ZDHHC11: variants seen among roughly 807,000 people sequenced by gnomAD.
ZDHHC11 encodes the protein zDHHC palmitoyltransferase 11, also known as palmitoyltransferase ZDHHC11.
ZDHHC11 carries 44 observed loss-of-function variants against 51.3 expected under a neutral mutation model. That is an observed-to-expected ratio of 0.86 (90% CI 0.67 to 1.10). The LOEUF is 1.10. ZDHHC11 is among the 50% of genes least tolerant of loss of function. The pLI is 0.00. For missense variants in ZDHHC11, 400 were observed against 537.7 expected (o/e 0.74, Z 2.53); for synonymous variants, 163 against 222.0 (o/e 0.73, Z 2.36).
rs1561257054 is a variant in ZDHHC11, at chr5:824,761, AT to A, written c.1023+402del. Reference sequence around the variant, plus strand: ...CTCCTACACACAGTCTTTCCTAAGCATTTTATTTAAAAAAAAAAAAAAAACA... The same window carrying A: ...CTCCTACACACAGTCTTTCCTAAGCATTTATTTAAAAAAAAAAAAAAAACA... On this transcript the variant is annotated intron_variant, in intron 8 of 12. Coordinates refer to ENST00000283441, the MANE Select transcript of ZDHHC11 (RefSeq NM_024786.3). Among the ~76,000 whole-genome samples, 269 of 91,560 alleles carry A rather than the reference AT, an allele frequency of 2.9e-3. 4 individuals are homozygous for A. The highest frequency in any genetic ancestry group is 0.029 in the African/African-American group (246 of 8,476). 60.1% of individuals were successfully genotyped at this position (91,560 alleles called of 152,430 possible). A position where few individuals can be genotyped will look rare whatever the true frequency, so the allele number is the denominator to read the frequency against.
Position 825,040 on chromosome 5 carries a change from G to C in ZDHHC11, c.1023+124C>G, listed in dbSNP as rs1742131467. 18 of 948,164 alleles carry C rather than the reference G, an allele frequency of 1.9e-5. 1 individual carries two copies. The South Asian group carries it at 2.5e-4, about 13-fold the overall frequency. The allele number at this position is 948,164 out of a possible 1,614,324, so 58.7% of individuals were successfully genotyped here. On this transcript the variant is annotated intron_variant, in intron 8 of 12. Transcript: ENST00000283441. Reference sequence around the variant, plus strand: ...ACCCACCATCATTCCCATGTGAGCAGCACCATTGGACACAGAGTGCTTCCA... The same window carrying C: ...ACCCACCATCATTCCCATGTGAGCACCACCATTGGACACAGAGTGCTTCCA...
At chr5:803,755 A>G (rs1738827991) in intron 11 of ZDHHC11, among the ~76,000 whole-genome samples, 1 of 150,866 alleles carries the variant, frequency 6.6e-6, no homozygotes, top group South Asian at 2.1e-4. Context: ...AACTAAATAA[A>G]GTAGGAAAAT....
chr5:798,456 G>A (rs1737915116), intron 12 of ZDHHC11, among the ~76,000 whole-genome samples: 1 of 151,372 alleles, frequency 6.6e-6, no homozygotes, highest in Non-Finnish European at 1.5e-5. Context: ...TCGGAGCATT[G>A]TCCGATCCTT....
At chr5:804,005 G>C (rs1405510380) in intron 11 of ZDHHC11, among the ~76,000 whole-genome samples, 2 of 150,204 alleles carry the variant, frequency 1.3e-5, no homozygotes, top group African/African-American at 4.9e-5. Context: ...AGGTTTGTTA[G>C]ACACCATCAA....
Position 825,178 on chromosome 5 carries a change from C to A in ZDHHC11, c.1009G>T (p.Asp337Tyr). 1 of 1,612,526 alleles carries A rather than the reference C, an allele frequency of 6.2e-7. No individual in the cohort carries two copies. Among genetic ancestry groups the A allele is most frequent in the South Asian group, 1.1e-5 (1 of 90,990 alleles). Residue 337 changes from aspartate to tyrosine, a missense_variant, in exon 8 of 13, where the codon GAT (aspartate) becomes TAT (tyrosine). By Grantham distance (160) the Asp-to-Tyr change is radical. Around this residue, in one of 5 missense-constraint regions of ZDHHC11, gnomAD observed 231 missense variants for 227.4 expected, o/e 1.02. Transcript: ENST00000283441. Reference protein sequence around the residue: ...HFCTSVNQDGDSTAREGDEDP... With the variant: ...HFCTSVNQDGYSTAREGDEDP... Reference sequence around the variant, plus strand: ...CTGCAACTTACCCGTGCCGTCGAATCCCCATCCTGGTTTACTGAAGTGCAG... The same window carrying A: ...CTGCAACTTACCCGTGCCGTCGAATACCCATCCTGGTTTACTGAAGTGCAG...
upstream of ZDHHC11, among the ~76,000 whole-genome samples, chr5:855,183 C>T (rs1181246389): frequency 1.4e-5 from 2 of 140,350 alleles, no homozygotes; most frequent in Non-Finnish European, 3.1e-5. Flanking sequence ...AACAGAGAGC[C>T]GGGGAGACAG....
At chr5:851,290 C>G (rs1747189191), upstream of ZDHHC11, among the ~76,000 whole-genome samples, 1 of 149,864 alleles carries the variant, frequency 6.7e-6, no homozygotes, top group African/African-American at 2.4e-5. Flanking sequence ...TGGACAGTGG[C>G]TGGGAGGTTC....
At chr5:824,040 C>G (rs1404929704) in intron 8 of ZDHHC11, 1 of 454,758 alleles carries the variant, frequency 2.2e-6, no homozygotes, top group African/African-American at 2.0e-5. Flanking sequence ...CTTTTTATTT[C>G]CAAGTCACAG....
At chr5:836,697 T>C (rs901300262) in intron 6 of ZDHHC11, among the ~76,000 whole-genome samples, 2 of 149,770 alleles carry the variant, frequency 1.3e-5, no homozygotes, top group Admixed American at 6.6e-5. Context: ...AGACTTTCTA[T>C]GTCTTCTTGA....
intron 10 of ZDHHC11, among the ~76,000 whole-genome samples, chr5:817,691 C>CTG (rs568344858): frequency 2.6e-5 from 4 of 151,106 alleles, no homozygotes; most frequent in African/African-American, 4.9e-5. Flanking sequence ...TGGGACTGAG[C>CTG]TGTGTGTGTG....
At chr5:817,079 A>G (rs1219164421) in intron 10 of ZDHHC11, 2 of 176,094 alleles carry the variant, frequency 1.1e-5, no homozygotes, top group East Asian at 3.0e-4. Context: ...TGGGTAAAGT[A>G]AGAACTGTTA....
upstream of ZDHHC11, among the ~76,000 whole-genome samples, chr5:859,850 G>A (rs189286136): frequency 6.6e-6 from 1 of 151,730 alleles, no homozygotes; most frequent in Non-Finnish European, 1.5e-5. Context: ...GTGTCGGTTG[G>A]GGGGGGTCCC....
At chr5:842,093 T>C (rs1244808402) in intron 4 of ZDHHC11, 3 of 986,534 alleles carry the variant, frequency 3.0e-6, no homozygotes, top group Non-Finnish European at 2.4e-6. Context: ...CAGAATCATC[T>C]GGAACAGCAA....
At chr5:819,102 C>T (rs1332785170) in intron 10 of ZDHHC11, among the ~76,000 whole-genome samples, 1 of 151,754 alleles carries the variant, frequency 6.6e-6, no homozygotes, top group African/African-American at 2.4e-5. Context: ...CTATTCCCAT[C>T]TGTCTCCTAC....
intron 6 of ZDHHC11, among the ~76,000 whole-genome samples, chr5:834,294 T>G (rs1197294220): frequency 6.6e-6 from 1 of 152,312 alleles, no homozygotes; most frequent in Non-Finnish European, 1.5e-5. Context: ...TCTATACATC[T>G]ACATCTACCT....
At position 840,624 on chromosome 5, in the gene ZDHHC11, G is replaced by C. The variant is rs752475958; in HGVS notation, c.655C>G (p.Leu219Val). 6.2e-7 allele frequency: 1 copy of C among 1,613,878 alleles called. No individual in the cohort carries two copies. Among genetic ancestry groups the C allele is most frequent in the South Asian group, 1.1e-5 (1 of 91,080 alleles). Residue 219 changes from leucine to valine, a missense_variant, in exon 5 of 13, where the codon CTG becomes GTG. Coordinates refer to ENST00000283441, the MANE Select transcript of ZDHHC11 (RefSeq NM_024786.3). ...TGCACCGGGAACAGGGGGAGGAACA[G>C]CAGCCACGTGTTCATATTCTTGACA... Reference protein sequence around the residue: ...EDVKNMNTWLLFLPLFPVQVQ... With the variant: ...EDVKNMNTWLVFLPLFPVQVQ...
chr5:813,630 T>C (rs1740377437), intron 11 of ZDHHC11, among the ~76,000 whole-genome samples: 2 of 150,020 alleles, frequency 1.3e-5, no homozygotes, highest in Admixed American at 6.6e-5. Flanking sequence ...CTGGCCCCCC[T>C]GAGCAGCATG....
intron 12 of ZDHHC11, among the ~76,000 whole-genome samples, 192 bp downstream of exon 12, chr5:800,908 C>T (rs187847769): frequency 0.011 from 1,726 of 151,262 alleles, 65 homozygotes; most frequent in African/African-American, 0.04. Context: ...TCTCACAGCT[C>T]GGCTGCCATG....
intron 8 of ZDHHC11, 88 bp from the exon 9 acceptor site, chr5:821,983 G>A (rs1579629764): frequency 8.1e-7 from 1 of 1,227,128 alleles, no homozygotes. Flanking sequence ...AGTCAGTTCT[G>A]ACAGTCACTT....
Sources: gnomAD v4.1 joint callset for allele counts (sites outside exome capture counted in the v4.1 genomes callset) on GRCh38, gnomAD v4.1.1 for gene constraint, gnomAD v4.1.1 regional missense constraint, MANE v1.5 for transcripts, NCBI Gene and HGNC (gene_info 2026-07-23, HGNC 2026-07-21) for gene names.